Variants in ADAM12 observed in about 807,000 individuals in gnomAD.
The protein encoded by ADAM12 is ADAM metallopeptidase domain 12, also known as disintegrin and metalloproteinase domain-containing protein 12.
A neutral mutation model predicts 106.4 loss-of-function variants in ADAM12; 70 were observed. The ratio of observed to expected loss-of-function variants is 0.66; its 90% CI spans 0.54 to 0.80. The LOEUF (loss-of-function observed/expected upper bound fraction) is 0.80, where lower values mean the gene tolerates loss of function less well. Ranked by LOEUF, ADAM12 falls within the 30% of genes least tolerant of loss-of-function variation. ADAM12 has a pLI of 0.00. For missense variants in ADAM12, 1,010 were observed against 1,171.9 expected, an observed-to-expected ratio of 0.86 and a Z score of 2.02; for synonymous variants, 420 against 433.5, an observed-to-expected ratio of 0.97 and a Z score of 0.39.
chr10:126,124,121 G>A (rs1174211340), intron 5 of ADAM12, among the ~76,000 whole-genome samples: 1 of 152,108 alleles, frequency 6.6e-6, no homozygotes, highest in Non-Finnish European at 1.5e-5. Flanking sequence ...GCAGGACAGT[G>A]GCACATGGAT....
intron 3 of ADAM12, among the ~76,000 whole-genome samples, chr10:126,177,826 C>T (rs1041852025): frequency 5.3e-5 from 8 of 152,148 alleles, no homozygotes; most frequent in Non-Finnish European, 8.8e-5. Context: ...CGGCTGAAGT[C>T]CTTCTTCACT....
At chr10:126,375,062 T>C (rs1199127556) in intron 1 of ADAM12, among the ~76,000 whole-genome samples, 1 of 151,952 alleles carries the variant, frequency 6.6e-6, no homozygotes, top group African/African-American at 2.4e-5. Flanking sequence ...TAATATCTGC[T>C]AAAAGAAAAA....
At chr10:126,154,436 A>G (rs1172023667) in intron 4 of ADAM12, among the ~76,000 whole-genome samples, 1 of 152,180 alleles carries the variant, frequency 6.6e-6, no homozygotes, top group African/African-American at 2.4e-5. Context: ...GATAAAGAAA[A>G]GTGTTGGTGT....
At chr10:126,302,612 C>A (rs1218862375) in intron 2 of ADAM12, among the ~76,000 whole-genome samples, 1 of 152,120 alleles carries the variant, frequency 6.6e-6, no homozygotes, top group Non-Finnish European at 1.5e-5. Context: ...TTGAAGTGAT[C>A]TCTGCAAGTT....
intron 4 of ADAM12, among the ~76,000 whole-genome samples, chr10:126,140,412 G>GT (rs1360452214): frequency 6.6e-6 from 1 of 152,282 alleles, no homozygotes; most frequent in Non-Finnish European, 1.5e-5. Context: ...GAACAAACTA[G>GT]TATCAAATTA....
intron 3 of ADAM12, among the ~76,000 whole-genome samples, chr10:126,232,727 A>T (rs1246984136): frequency 6.6e-6 from 1 of 152,232 alleles, no homozygotes; most frequent in East Asian, 1.9e-4. Flanking sequence ...CATGTGCAGC[A>T]AAACGAGTGA....
At chr10:126,109,879 CTCTCT>C in intron 6 of ADAM12, 39 bp from the exon 7 acceptor site, 9 of 1,586,376 alleles carry the variant, frequency 5.7e-6, no homozygotes, top group Non-Finnish European at 7.8e-6. Flanking sequence ...CTCTTAATGC[CTCTCT>C]GGCATTAAGA....
chr10:126,383,485 T>C (rs1447097564), intron 1 of ADAM12, among the ~76,000 whole-genome samples: 1 of 151,990 alleles, frequency 6.6e-6, no homozygotes, highest in African/African-American at 2.4e-5. Context: ...CTTGACAACA[T>C]GAATATTCAA....
rs201897440 is a variant in ADAM12 at position 126,036,180 on chromosome 10, G to A, written c.2495C>T (p.Pro832Leu). Residue 832 changes from proline (P) to leucine (L), a missense_variant, in exon 21 of 23, where the codon CCC becomes CTC. Pro to Leu is a moderately conservative substitution (Grantham distance 98). Transcript: ENST00000448723. The stretch of plus-strand genomic sequence containing the variant: ...CCTAAGTGCAGGCTTGGCTGGCAGG[G>A]GTCTGGCAGGGACGCTAGGTGCACG... ...APRAPSVPARPLPAKPALRQA... is the reference protein window; with the variant it reads ...APRAPSVPARLLPAKPALRQA... 6.6e-7 allele frequency: 1 copy of A among 1,512,400 alleles called. No individual in the cohort carries two copies. The highest frequency in any genetic ancestry group is 1.3e-5 in the South Asian group (1 of 75,944). 93.7% of individuals were successfully genotyped at this position (1,512,400 alleles called of 1,614,324 possible).
chr10:126,085,298 A>G (rs1955315560), intron 11 of ADAM12, among the ~76,000 whole-genome samples: 2 of 152,208 alleles, frequency 1.3e-5, no homozygotes, highest in Non-Finnish European at 2.9e-5. Context: ...TTGTAGAATG[A>G]TGTGGAATAA....
chr10:126,324,760 G>C (rs969590627), intron 2 of ADAM12, among the ~76,000 whole-genome samples: 1 of 151,972 alleles, frequency 6.6e-6, no homozygotes, highest in Non-Finnish European at 1.5e-5. Flanking sequence ...CTACGTTGGG[G>C]GACAATACAT....
At chr10:126,330,351 G>A (rs1854464374) in intron 2 of ADAM12, 61 bp downstream of exon 2, 1 of 1,343,426 alleles carries the variant, frequency 7.4e-7, no homozygotes, top group African/African-American at 1.5e-5. Flanking sequence ...GAATACCAAA[G>A]CAGCTAATGT....
chr10:126,214,491 C>G (rs1230651502), intron 3 of ADAM12, among the ~76,000 whole-genome samples: 1 of 152,096 alleles, frequency 6.6e-6, no homozygotes, highest in Non-Finnish European at 1.5e-5. Flanking sequence ...AGAACACAGC[C>G]GTGTTAATAT....
chr10:126,303,512 C>A (rs1183380212), intron 2 of ADAM12, among the ~76,000 whole-genome samples: 1 of 152,182 alleles, frequency 6.6e-6, no homozygotes, highest in South Asian at 2.1e-4. Flanking sequence ...GGAGAAGATT[C>A]ACACAGAGCA....
chr10:126,144,765 T>A (rs1020883521), intron 4 of ADAM12, among the ~76,000 whole-genome samples: 19 of 152,202 alleles, frequency 1.2e-4, no homozygotes, highest in Non-Finnish European at 2.1e-4. Flanking sequence ...AAGGAACATA[T>A]GGTACAGCGT....
chr10:126,063,329 G>T (rs1954797454), intron 14 of ADAM12, among the ~76,000 whole-genome samples: 1 of 152,206 alleles, frequency 6.6e-6, no homozygotes, highest in Non-Finnish European at 1.5e-5. Flanking sequence ...TCGCTGGCTG[G>T]CAGGGGACAT....
At chr10:126,331,693 G>A (rs1854516897) in intron 1 of ADAM12, among the ~76,000 whole-genome samples, 1 of 152,178 alleles carries the variant, frequency 6.6e-6, no homozygotes, top group South Asian at 2.1e-4. Flanking sequence ...CAATGGGAGA[G>A]GGCTGAGCTG....
intron 11 of ADAM12, among the ~76,000 whole-genome samples, chr10:126,082,328 G>GGGATCCATTCTCT (rs1202206943): frequency 6.8e-6 from 1 of 146,528 alleles, no homozygotes; most frequent in Non-Finnish European, 1.5e-5. Context: ...CACAAATTGT[G>GGGATCCATTCTCT]GGATCCATTC....
At chr10:126,303,548 T>C (rs1960716301) in intron 2 of ADAM12, among the ~76,000 whole-genome samples, 1 of 152,192 alleles carries the variant, frequency 6.6e-6, no homozygotes. Flanking sequence ...AAAATCACCC[T>C]ATTCCTGGCT....
Sources: allele counts gnomAD v4.1 joint callset (sites outside exome capture counted in the v4.1 genomes callset), GRCh38; gene constraint gnomAD v4.1.1; transcripts MANE v1.5; gene names NCBI Gene and HGNC (gene_info 2026-07-23, HGNC 2026-07-21).